The following ASXL3 variants were observed in gnomAD, a reference collection of about 807,000 sequenced individuals.
The protein encoded by ASXL3 is putative Polycomb group protein ASXL3.
ASXL3 carries 34 observed loss-of-function variants against 170.6 expected under a neutral mutation model. The ratio of observed to expected loss-of-function variants is 0.20; its 90% CI spans 0.15 to 0.27. The LOEUF (loss-of-function observed/expected upper bound fraction) is 0.27. Among genes scored for constraint, ASXL3 ranks in the 10% least tolerant of loss-of-function variants. ASXL3 has a pLI of 1.00. For synonymous variants in ASXL3, 1,002 were observed against 989.1 expected (o/e 1.01, Z -0.24); for missense variants, 2,592 against 2,695.3 (o/e 0.96, Z 0.85).
At chr18:33,642,427 C>T (rs1038008031) in intron 2 of ASXL3, among the ~76,000 whole-genome samples, 8 of 151,552 alleles carry the variant, frequency 5.3e-5, no homozygotes, top group Admixed American at 5.3e-4. Context: ...GTTTTTCCTC[C>T]ATAAAGGAAT....
chr18:33,740,824 C>A (rs187103172), intron 11 of ASXL3, among the ~76,000 whole-genome samples: 1 of 152,156 alleles, frequency 6.6e-6, no homozygotes, highest in Non-Finnish European at 1.5e-5. Flanking sequence ...ACACCATAAA[C>A]CCAGTGTAAT....
At chr18:33,602,879 A>T (rs1055486521) in intron 1 of ASXL3, among the ~76,000 whole-genome samples, 9 of 151,260 alleles carry the variant, frequency 6.0e-5, no homozygotes, top group African/African-American at 2.2e-4. Context: ...GTAATTGTAA[A>T]GAGGTATATA....
chr18:33,631,985 A>G lies in ASXL3; in HGVS notation c.138-12909A>G, dbSNP rs569716787. Among the ~76,000 whole-genome samples, 15 of 152,306 alleles carry G rather than the reference A, an allele frequency of 9.8e-5. No homozygotes were observed. In the South Asian group the frequency reaches 3.1e-3, roughly 32 times the overall value. ...AAAGAATTAGGCTGGAAGAAAGTTT[A>G]CAAAGTGCTTAGAGTTATGTTCAGG... is the stretch of plus-strand genomic sequence containing the variant. On this transcript the variant is annotated intron_variant, in intron 2 of 11. Transcript: ENST00000269197.
At chr18:33,637,116 G>C (rs1454337921) in intron 2 of ASXL3, among the ~76,000 whole-genome samples, 1 of 152,116 alleles carries the variant, frequency 6.6e-6, no homozygotes, top group East Asian at 1.9e-4. Flanking sequence ...GAAAAAGAGA[G>C]CTTTTGCACA....
rs140311552 is a variant in ASXL3, at chr18:33,624,237, A to G, written c.137+16561A>G. ...GATTTTCCTGATGTACACTCTACCTATAAGTAAATTATCCTTTATTAACTG... is the reference window on the plus strand; with the variant it reads ...GATTTTCCTGATGTACACTCTACCTGTAAGTAAATTATCCTTTATTAACTG... On this transcript the variant is annotated intron_variant, in intron 2 of 11. Coordinates refer to ENST00000269197, the MANE Select transcript of ASXL3 (RefSeq NM_030632.3). Among the ~76,000 whole-genome samples, 836 of 152,242 alleles carry G rather than the reference A, an allele frequency of 5.5e-3. 10 individuals are homozygous for G. The highest frequency in any genetic ancestry group is 0.019 in the African/African-American group (799 of 41,556).
At chr18:33,684,473 C>T (rs1203949411) in intron 8 of ASXL3, among the ~76,000 whole-genome samples, 1 of 152,110 alleles carries the variant, frequency 6.6e-6, no homozygotes, top group East Asian at 1.9e-4. Flanking sequence ...CATCTTCTTT[C>T]ATACATATTT....
intron 7 of ASXL3, among the ~76,000 whole-genome samples, chr18:33,676,222 C>CAAAAAAAAAAAAAAAAAA (rs568221465): frequency 0.048 from 2,010 of 41,592 alleles, 410 homozygotes; most frequent in East Asian, 0.13. Context: ...GACTCCGTCT[C>CAAAAAAAAAAAAAAAAAA]AAAAAAAAAA....
At chr18:33,621,298 T>C (rs2065508837) in intron 2 of ASXL3, among the ~76,000 whole-genome samples, 1 of 152,116 alleles carries the variant, frequency 6.6e-6, no homozygotes, top group Non-Finnish European at 1.5e-5. Context: ...TGTACAAAAG[T>C]ATATTCAAAA....
At chr18:33,728,074 A>G (rs2067378868) in intron 8 of ASXL3, among the ~76,000 whole-genome samples, 4 of 152,152 alleles carry the variant, frequency 2.6e-5, no homozygotes, top group Admixed American at 2.6e-4. Context: ...TGAAATTTTA[A>G]TTACTAACTA....
intron 2 of ASXL3, among the ~76,000 whole-genome samples, chr18:33,635,691 A>C (rs577062268): frequency 6.6e-6 from 1 of 152,332 alleles, no homozygotes; most frequent in Non-Finnish European, 1.5e-5. Context: ...TCACATTGTT[A>C]TGAAAGGGAG....
chr18:33,717,400 T>C (rs2067182511), intron 8 of ASXL3, among the ~76,000 whole-genome samples: 1 of 152,174 alleles, frequency 6.6e-6, no homozygotes, highest in South Asian at 2.1e-4. Context: ...TATATTAATT[T>C]TTTAAATGTT....
chr18:33,680,377 T>C (rs531634403), intron 7 of ASXL3, among the ~76,000 whole-genome samples: 4 of 152,164 alleles, frequency 2.6e-5, no homozygotes, highest in South Asian at 4.1e-4. Context: ...ACAGTTGTGT[T>C]GTGTTTTGTT....
intron 1 of ASXL3, among the ~76,000 whole-genome samples, chr18:33,588,002 G>C (rs910138295): frequency 6.6e-6 from 1 of 151,736 alleles, no homozygotes; most frequent in African/African-American, 2.4e-5. Flanking sequence ...AAGTTGTACA[G>C]TTTTAATAGT....
Position 33,751,041 on chromosome 18 carries a change from G to T in ASXL3, c.*4446G>T, listed in dbSNP as rs962370109. The T allele has an allele frequency of 2.0e-5, 3 of 151,628 alleles. No individual in the cohort carries two copies. Among genetic ancestry groups the T allele is most frequent in the African/African-American group, 7.3e-5 (3 of 41,136 alleles). 9.4% of individuals were successfully genotyped at this position (151,628 alleles called of 1,614,324 possible). Reference sequence around the variant, plus strand: ...TATTTCTTTTCTACAAAGAAAACAAGTGTTGCCTACAAAAGTGACTGCTCA... The same window carrying T: ...TATTTCTTTTCTACAAAGAAAACAATTGTTGCCTACAAAAGTGACTGCTCA... On this transcript the variant is annotated 3_prime_UTR_variant, in exon 12 of 12. Transcript: ENST00000269197.
intron 2 of ASXL3, chr18:33,625,976 A>G (rs1428617932): frequency 6.6e-6 from 1 of 152,160 alleles, no homozygotes; most frequent in Admixed American, 6.6e-5. Flanking sequence ...GTATTCTGGA[A>G]CTAGAGGAAG....
intron 1 of ASXL3, among the ~76,000 whole-genome samples, chr18:33,584,676 A>T (rs562080666): frequency 2.4e-4 from 37 of 152,308 alleles, no homozygotes; most frequent in African/African-American, 8.2e-4. Context: ...AGACTTACAT[A>T]GAGCACTCTG....
At chr18:33,682,001 TTGAC>T (rs2066523097) in intron 7 of ASXL3, among the ~76,000 whole-genome samples, 2 of 152,206 alleles carry the variant, frequency 1.3e-5, no homozygotes, top group African/African-American at 4.8e-5. Context: ...TCCTTAAAAT[TTGAC>T]TGTTCTTTTA....
chr18:33,724,187 TA>T (rs1458229804), intron 8 of ASXL3, among the ~76,000 whole-genome samples: 2 of 150,278 alleles, frequency 1.3e-5, no homozygotes, highest in African/African-American at 5.0e-5. Context: ...CTCATATGAC[TA>T]GATAGAGTCT....
rs1330647494 is a variant in ASXL3 at position 33,745,879 on chromosome 18, A to G, written c.6031A>G (p.Asn2011Asp). 11 of 1,613,466 alleles carry G rather than the reference A, an allele frequency of 6.8e-6. No individual in the cohort carries two copies. Among genetic ancestry groups the G allele is most frequent in the Non-Finnish European group, 9.3e-6 (11 of 1,179,866 alleles). Reference sequence around the variant, plus strand: ...GGGAGGCACTGCACACACAATGCCAAACAAAGCACTAGTACATCCGCCGCC... The same window carrying G: ...GGGAGGCACTGCACACACAATGCCAGACAAAGCACTAGTACATCCGCCGCC... ...EVGGTAHTMPNKALVHPPPPP... is the reference protein window; with the variant it reads ...EVGGTAHTMPDKALVHPPPPP... The change falls in exon 12 of 12, where the codon AAC (asparagine) becomes GAC (aspartate). Residue 2011 changes from asparagine (N) to aspartate (D), a missense_variant. Asn to Asp is a conservative substitution (Grantham distance 23). Coordinates refer to ENST00000269197, the MANE Select transcript of ASXL3 (RefSeq NM_030632.3).
Sources: gnomAD v4.1 joint callset for allele counts (sites outside exome capture counted in the v4.1 genomes callset) on GRCh38, gnomAD v4.1.1 for gene constraint, MANE v1.5 for transcripts, NCBI Gene and HGNC (gene_info 2026-07-23, HGNC 2026-07-21) for gene names.